Variants in ELL2 observed in about 807,000 individuals in gnomAD.
ELL2 encodes the protein RNA polymerase II elongation factor ELL2.
A neutral mutation model predicts 72.8 loss-of-function variants in ELL2; 21 were observed. The ratio of observed to expected loss-of-function variants is 0.29; its 90% CI spans 0.20 to 0.42. ELL2 has a LOEUF of 0.42. Ranked by LOEUF, ELL2 falls within the 10% of genes least tolerant of loss-of-function variation. ELL2 has a pLI of 1.00. For missense variants in ELL2, 568 were observed against 772.8 expected, an observed-to-expected ratio of 0.73 and a Z score of 3.14; for synonymous variants, 266 against 283.2, an observed-to-expected ratio of 0.94 and a Z score of 0.61.
At chr5:95,919,606 A>C (rs1749970169) in intron 2 of ELL2, 61 bp from the exon 3 acceptor site, 1 of 1,492,010 alleles carries the variant, frequency 6.7e-7, no homozygotes, top group Admixed American at 2.7e-5. Context: ...GAAAAGTCTT[A>C]AGACTGACTT....
intron 5 of ELL2, among the ~76,000 whole-genome samples, chr5:95,906,152 A>C (rs1200241980): frequency 1.3e-5 from 2 of 152,222 alleles, no homozygotes; most frequent in African/African-American, 4.8e-5. Flanking sequence ...GCTTATACCA[A>C]TCAAAGGCCA....
intron 8 of ELL2, among the ~76,000 whole-genome samples, chr5:95,896,435 T>C (rs1260821079): frequency 6.6e-6 from 1 of 152,174 alleles, no homozygotes; most frequent in African/African-American, 2.4e-5. Flanking sequence ...GAAAGTAGGG[T>C]TAAACTGATA....
At chr5:95,912,127 T>C (rs1749626674) in intron 4 of ELL2, among the ~76,000 whole-genome samples, 1 of 152,216 alleles carries the variant, frequency 6.6e-6, no homozygotes, top group Non-Finnish European at 1.5e-5. Context: ...CATTAGGAAG[T>C]GTATGGACTG....
At chr5:95,901,767 A>C (rs1002019137) in intron 5 of ELL2, among the ~76,000 whole-genome samples, 5 of 152,230 alleles carry the variant, frequency 3.3e-5, no homozygotes, top group Admixed American at 6.5e-5. Flanking sequence ...ATCTCAGTGC[A>C]TGTGTCCAGG....
At chr5:95,903,989 T>C (rs914640741) in intron 5 of ELL2, among the ~76,000 whole-genome samples, 5 of 152,222 alleles carry the variant, frequency 3.3e-5, no homozygotes, top group Non-Finnish European at 7.3e-5. Context: ...TAGCAAGTCT[T>C]ATCACAAAAT....
At chr5:95,923,215 T>G (rs1379679206) in intron 2 of ELL2, among the ~76,000 whole-genome samples, 1 of 149,836 alleles carries the variant, frequency 6.7e-6, no homozygotes, top group Non-Finnish European at 1.5e-5. Flanking sequence ...TGAGACCCTG[T>G]GTCTATAAAA....
chr5:95,904,211 G>A (rs1364665012), intron 5 of ELL2, among the ~76,000 whole-genome samples: 3 of 152,110 alleles, frequency 2.0e-5, no homozygotes, highest in Non-Finnish European at 4.4e-5. Flanking sequence ...GCTCCATGAG[G>A]GCAGGGTTTC....
chr5:95,925,322 A>G (rs2112319769), intron 2 of ELL2, among the ~76,000 whole-genome samples: 1 of 152,280 alleles, frequency 6.6e-6, no homozygotes, highest in Non-Finnish European at 1.5e-5. Flanking sequence ...TCTTTTTTAT[A>G]GATTAGGGAC....
chr5:95,936,083 A>G (rs114039213), intron 2 of ELL2, among the ~76,000 whole-genome samples: 1 of 152,374 alleles, frequency 6.6e-6, no homozygotes, highest in African/African-American at 2.4e-5. Flanking sequence ...ATATCAGGGT[A>G]CATTGATGAA....
intron 5 of ELL2, among the ~76,000 whole-genome samples, chr5:95,905,044 A>G (rs927582910): frequency 6.6e-6 from 1 of 152,140 alleles, no homozygotes; most frequent in African/African-American, 2.4e-5. Context: ...ATGAGTGCCT[A>G]GGCCCCACCT....
intron 2 of ELL2, among the ~76,000 whole-genome samples, chr5:95,927,452 C>T (rs531359262): frequency 4.1e-4 from 9 of 22,066 alleles, no homozygotes; most frequent in African/African-American, 3.3e-3. Flanking sequence ...TATAGACATA[C>T]ACACACACGT....
At chr5:95,895,561 T>C in intron 9 of ELL2, 67 bp downstream of exon 9, 1 of 1,461,542 alleles carries the variant, frequency 6.8e-7, no homozygotes, top group South Asian at 1.2e-5. Context: ...TTGCAAATTA[T>C]GGGAAAAGAA....
Position 95,913,757 on chromosome 5 carries a change from A to G in ELL2, c.481+14T>C. The G allele has an allele frequency of 6.3e-7, 1 of 1,575,746 alleles. No individual in the cohort carries two copies. The highest frequency in any genetic ancestry group is 8.6e-7 in the Non-Finnish European group (1 of 1,163,728). ...CAATCAATCAGCAAGAGGAAGAAAG[A>G]TATCTATACAAACCTACATATGGTC... On this transcript the variant is annotated intron_variant, in intron 4 of 11. Transcript: ENST00000237853.
chr5:95,950,923 T>C lies in ELL2; in HGVS notation c.148-7874A>G, dbSNP rs1190916565. Among the ~76,000 whole-genome samples, 264 of 108,196 alleles carry C rather than the reference T, an allele frequency of 2.4e-3. 8 individuals carry two copies. Among genetic ancestry groups the C allele is most frequent in the African/African-American group, 0.01 (229 of 22,748 alleles). The allele number at this position is 108,196 out of a possible 152,430, so 71.0% of individuals were successfully genotyped here. On this transcript the variant is annotated intron_variant, in intron 1 of 11. Transcript: ENST00000237853. Reference sequence around the variant, plus strand: ...GTATGTGTATATATATATATATATATATATATATATATATATATATATATA... The same window carrying C: ...GTATGTGTATATATATATATATATACATATATATATATATATATATATATA...
intron 1 of ELL2, among the ~76,000 whole-genome samples, chr5:95,946,934 T>C (rs544854176): frequency 2.6e-5 from 4 of 151,908 alleles, no homozygotes; most frequent in African/African-American, 9.7e-5. Flanking sequence ...GAGTGGTGAG[T>C]ACCTGGAAAA....
chr5:95,887,964 C>G lies in ELL2; in HGVS notation c.*907G>C, dbSNP rs1469740938. The G allele has an allele frequency of 6.6e-6, 1 of 152,288 alleles. No individual in the cohort carries two copies. Among genetic ancestry groups the G allele is most frequent in the East Asian group, 1.9e-4 (1 of 5,186 alleles). The allele number at this position is 152,288 out of a possible 1,614,324, so 9.4% of individuals were successfully genotyped here. On this transcript the variant is annotated 3_prime_UTR_variant, in exon 12 of 12. Transcript: ENST00000237853. ...CTTTTGTCTTCCACAACAAAAGTAGCAATTTGATAGAAGAAAAAAAACAAA... is the reference window on the plus strand; with the variant it reads ...CTTTTGTCTTCCACAACAAAAGTAGGAATTTGATAGAAGAAAAAAAACAAA...
At chr5:95,960,963 G>C (rs896191458) in intron 1 of ELL2, among the ~76,000 whole-genome samples, 2 of 151,828 alleles carry the variant, frequency 1.3e-5, no homozygotes, top group African/African-American at 4.8e-5. Flanking sequence ...ATCTCTATGA[G>C]TACACCGTGT....
At chr5:95,937,206 C>T (rs1310408492) in intron 2 of ELL2, among the ~76,000 whole-genome samples, 2 of 152,122 alleles carry the variant, frequency 1.3e-5, no homozygotes, top group East Asian at 1.9e-4. Flanking sequence ...TGCTGTAGCT[C>T]ACAGTGGGGC....
chr5:95,946,612 C>T lies in ELL2; in HGVS notation c.148-3563G>A, dbSNP rs1227652951. Among the ~76,000 whole-genome samples, 6 of 152,232 alleles carry T rather than the reference C, an allele frequency of 3.9e-5. 1 individual carries two copies. The East Asian group carries it at 1.2e-3, about 29-fold the overall frequency. ...GCCAACTACTAAATAGAAAACACAT[C>T]CGCTATCAACCAAGATCAACCAGAA... On this transcript the variant is annotated intron_variant, in intron 1 of 11. Coordinates refer to ENST00000237853, the MANE Select transcript of ELL2 (RefSeq NM_012081.6).
Sources: gnomAD v4.1 joint callset for allele counts (sites outside exome capture counted in the v4.1 genomes callset) on GRCh38, gnomAD v4.1.1 for gene constraint, MANE v1.5 for transcripts, NCBI Gene and HGNC (gene_info 2026-07-23, HGNC 2026-07-21) for gene names.